Variants in WDR70 observed in about 807,000 individuals in gnomAD.
The protein encoded by WDR70 is WD repeat-containing protein 70.
Under a neutral mutation model 88.6 loss-of-function variants are expected in WDR70, and 53 were observed. The observed-to-expected ratio is 0.60, with a 90% CI of 0.48 to 0.75. The LOEUF is 0.75. WDR70 is among the 30% of genes least tolerant of loss of function. The pLI is 0.00. For synonymous variants in WDR70, 280 were observed against 270.0 expected (o/e 1.04, Z -0.36); for missense variants, 610 against 823.2 (o/e 0.74, Z 3.17).
At chr5:37,397,821 C>T (rs1239725082) in intron 5 of WDR70, among the ~76,000 whole-genome samples, 3 of 151,830 alleles carry the variant, frequency 2.0e-5, no homozygotes, top group African/African-American at 7.3e-5. Context: ...GGTGAAACCC[C>T]GTCTCTACTA....
intron 13 of WDR70, among the ~76,000 whole-genome samples, chr5:37,707,912 TCAAAAAAAG>T: frequency 3.1e-5 from 1 of 31,908 alleles, no homozygotes; most frequent in African/African-American, 9.0e-5. Context: ...AGACTCTGTC[TCAAAAAAAG>T]AAAAAAAAAA....
intron 8 of WDR70, among the ~76,000 whole-genome samples, chr5:37,487,583 A>G (rs915682834): frequency 5.6e-5 from 8 of 143,320 alleles, no homozygotes; most frequent in Non-Finnish European, 1.2e-4. Context: ...CATTTTATAT[A>G]TGGGTATGTA....
At chr5:37,638,763 T>C (rs1458708664) in intron 10 of WDR70, among the ~76,000 whole-genome samples, 1 of 152,236 alleles carries the variant, frequency 6.6e-6, no homozygotes, top group Non-Finnish European at 1.5e-5. Context: ...AACTCTGTTA[T>C]TGACAGTTAC....
At chr5:37,701,702 T>G (rs1296909207) in intron 12 of WDR70, among the ~76,000 whole-genome samples, 2 of 149,582 alleles carry the variant, frequency 1.3e-5, no homozygotes, top group Non-Finnish European at 3.0e-5. Flanking sequence ...AGGAGAATGG[T>G]GTGAACCTGG....
intron 8 of WDR70, chr5:37,505,798 C>A: frequency 7.1e-7 from 1 of 1,399,938 alleles, no homozygotes; most frequent in East Asian, 2.3e-5. Flanking sequence ...CCAGACAGAT[C>A]ACAGTTCTCT....
chr5:37,634,135 T>C (rs1250145310), intron 10 of WDR70, among the ~76,000 whole-genome samples: 2 of 151,766 alleles, frequency 1.3e-5, no homozygotes, highest in Non-Finnish European at 2.9e-5. Flanking sequence ...CCATCTCTAC[T>C]AAAAATACAA....
chr5:37,418,694 T>C (rs1749839475), intron 5 of WDR70, among the ~76,000 whole-genome samples: 2 of 152,194 alleles, frequency 1.3e-5, no homozygotes, highest in Admixed American at 6.5e-5. Flanking sequence ...TCTTGGCATA[T>C]CTAGTACTTT....
chr5:37,544,358 C>A (rs1443462329), intron 9 of WDR70, among the ~76,000 whole-genome samples: 1 of 152,134 alleles, frequency 6.6e-6, no homozygotes, highest in Non-Finnish European at 1.5e-5. Flanking sequence ...CATATTGATA[C>A]AAATTATCCT....
intron 9 of WDR70, among the ~76,000 whole-genome samples, chr5:37,597,913 G>T (rs6888597): frequency 2.6e-5 from 4 of 152,078 alleles, no homozygotes; most frequent in Non-Finnish European, 5.9e-5. Flanking sequence ...TTTGCCTTAC[G>T]CAGGGTGGTA....
At chr5:37,728,356 A>C (rs1324760197) in intron 17 of WDR70, among the ~76,000 whole-genome samples, 3 of 55,620 alleles carry the variant, frequency 5.4e-5, no homozygotes, top group Admixed American at 4.7e-4. Flanking sequence ...TCCAAAAAAA[A>C]AAAAAAACAA....
intron 9 of WDR70, among the ~76,000 whole-genome samples, chr5:37,594,863 G>C (rs1743654038): frequency 6.6e-6 from 1 of 152,146 alleles, no homozygotes; most frequent in African/African-American, 2.4e-5. Context: ...CACATCCCTT[G>C]TAAGTTGGAT....
intron 10 of WDR70, among the ~76,000 whole-genome samples, chr5:37,671,057 A>G (rs1049060176): frequency 3.3e-5 from 5 of 152,208 alleles, no homozygotes; most frequent in Admixed American, 6.5e-5. Flanking sequence ...ATATTGGAGT[A>G]CTTTAAATCC....
At chr5:37,425,283 T>C (rs1468348533) in intron 5 of WDR70, among the ~76,000 whole-genome samples, 1 of 151,944 alleles carries the variant, frequency 6.6e-6, no homozygotes, top group African/African-American at 2.4e-5. Context: ...ATATAAACAA[T>C]AGAAAGCTGT....
In WDR70 at chr5:37,613,342, G is replaced by A. The variant is rs999779685; in HGVS notation, c.1092+8104G>A. ...TTTTAAAGCATAAACCCAAATGGAT[G>A]AAGAGAATTAGAGAGGAGATGATAG... On this transcript the variant is annotated intron_variant, in intron 10 of 17. Coordinates refer to ENST00000265107, the MANE Select transcript of WDR70 (RefSeq NM_018034.4). Among the ~76,000 whole-genome samples the A allele has an allele frequency of 4.6e-5, 7 of 152,282 alleles. No homozygotes were observed. The East Asian group carries it at 1.4e-3, about 29-fold the overall frequency.
intron 9 of WDR70, among the ~76,000 whole-genome samples, chr5:37,604,471 T>C (rs1040433341): frequency 2.0e-5 from 3 of 152,182 alleles, no homozygotes; most frequent in Admixed American, 2.0e-4. Context: ...GCTCCTTCGC[T>C]TAGGACTGTG....
At chr5:37,605,271 C>A in intron 10 of WDR70, 33 bp downstream of exon 10, 1 of 1,552,068 alleles carries the variant, frequency 6.4e-7, no homozygotes, top group Non-Finnish European at 8.7e-7. Context: ...ACATGGCCAC[C>A]TTAAATCTTT....
intron 8 of WDR70, among the ~76,000 whole-genome samples, chr5:37,502,756 G>A (rs148174822): frequency 2.4e-4 from 36 of 152,274 alleles, no homozygotes; most frequent in Non-Finnish European, 5.1e-4. Flanking sequence ...GCTTTTACTC[G>A]TGGCAGAAGA....
chr5:37,611,781 CT>C (rs66689730), intron 10 of WDR70, among the ~76,000 whole-genome samples: 30 of 126,870 alleles, frequency 2.4e-4, no homozygotes, highest in Middle Eastern at 3.9e-3. Flanking sequence ...TGATTTCAGC[CT>C]TTTTTTTTTT....
intron 10 of WDR70, among the ~76,000 whole-genome samples, chr5:37,679,806 C>G (rs1195860188): frequency 6.6e-6 from 1 of 152,226 alleles, no homozygotes; most frequent in East Asian, 1.9e-4. Flanking sequence ...TTACTCCTGT[C>G]TTTTTGTTTG....
Sources: gnomAD v4.1 joint callset for allele counts (sites outside exome capture counted in the v4.1 genomes callset) on GRCh38, gnomAD v4.1.1 for gene constraint, MANE v1.5 for transcripts, NCBI Gene and HGNC (gene_info 2026-07-23, HGNC 2026-07-21) for gene names.